CCNY: variants seen among roughly 807,000 people sequenced by gnomAD.
CCNY encodes cyclin-Y.
Under a neutral mutation model 42.8 loss-of-function variants are expected in CCNY, and 19 were observed. The observed-to-expected ratio is 0.44, with a 90% CI of 0.31 to 0.65. The LOEUF (loss-of-function observed/expected upper bound fraction) is 0.65, where lower values mean the gene tolerates loss of function less well. CCNY is among the 30% of genes least tolerant of loss of function. CCNY has a pLI of 0.07. For missense variants in CCNY, 370 were observed against 437.3 expected (o/e 0.85, Z 1.37); for synonymous variants, 165 against 162.7 (o/e 1.01, Z -0.11).
intron 3 of CCNY, among the ~76,000 whole-genome samples, chr10:35,259,552 G>T (rs1323751477): frequency 1.4e-5 from 2 of 139,692 alleles, no homozygotes; most frequent in Non-Finnish European, 3.0e-5. Context: ...ACCCAGGCTG[G>T]AGTGCAGTGG....
chr10:35,405,150 G>A (rs1837729619), intron 1 of CCNY, among the ~76,000 whole-genome samples: 1 of 152,146 alleles, frequency 6.6e-6, no homozygotes, highest in South Asian at 2.1e-4. Flanking sequence ...TTTTTGGACA[G>A]GTAAAACAGG....
At chr10:35,406,201 T>TTTAA (rs1554785132) in intron 1 of CCNY, among the ~76,000 whole-genome samples, 46 of 124,394 alleles carry the variant, frequency 3.7e-4, no homozygotes, top group Non-Finnish European at 6.1e-4. Flanking sequence ...TTCTTTTTTA[T>TTTAA]TTTATTTATT....
At chr10:35,501,659 G>T (rs1329470362) in intron 3 of CCNY, 124 bp downstream of exon 3, 2 of 835,578 alleles carry the variant, frequency 2.4e-6, no homozygotes, top group South Asian at 1.4e-5. Flanking sequence ...ATGTTGCAGT[G>T]TACTTATGCT....
chr10:35,407,746 G>A (rs1375913832), intron 1 of CCNY, among the ~76,000 whole-genome samples: 1 of 152,082 alleles, frequency 6.6e-6, no homozygotes, highest in Non-Finnish European at 1.5e-5. Context: ...GTTGCCCATA[G>A]TGAAGGAGGC....
chr10:35,341,599 G>C (rs1836184713), intron 1 of CCNY, among the ~76,000 whole-genome samples: 1 of 152,210 alleles, frequency 6.6e-6, no homozygotes, highest in Non-Finnish European at 1.5e-5. Flanking sequence ...GAATGAATTT[G>C]TTGAGTGAAA....
At chr10:35,498,861 G>C (rs1180665501) in intron 2 of CCNY, among the ~76,000 whole-genome samples, 1 of 152,204 alleles carries the variant, frequency 6.6e-6, no homozygotes, top group Non-Finnish European at 1.5e-5. Context: ...AGGAGCCCCA[G>C]GTTGCTCTGA....
At chr10:35,491,988 G>C (rs1290050867) in intron 2 of CCNY, among the ~76,000 whole-genome samples, 1 of 152,154 alleles carries the variant, frequency 6.6e-6, no homozygotes, top group Non-Finnish European at 1.5e-5. Context: ...CCTGTAGTCA[G>C]TGTCTAAGCT....
chr10:35,472,735 G>C (rs180783429), intron 1 of CCNY, among the ~76,000 whole-genome samples: 1 of 152,276 alleles, frequency 6.6e-6, no homozygotes, highest in African/African-American at 2.4e-5. Context: ...AAATGTGATA[G>C]AAATGTCATA....
At chr10:35,521,583 A>G (rs765879417) in intron 4 of CCNY, among the ~76,000 whole-genome samples, 8 of 152,322 alleles carry the variant, frequency 5.3e-5, no homozygotes, top group Non-Finnish European at 1.2e-4. Context: ...CCTCCGTCGG[A>G]CAGCACCTAC....
intron 1 of CCNY, among the ~76,000 whole-genome samples, chr10:35,445,211 T>A (rs987023413): frequency 2.6e-5 from 4 of 152,038 alleles, no homozygotes; most frequent in African/African-American, 9.7e-5. Context: ...AAGGAGGAGA[T>A]GAGTTTACCC....
intron 8 of CCNY, among the ~76,000 whole-genome samples, chr10:35,556,080 T>G (rs1008228278): frequency 2.0e-5 from 3 of 152,236 alleles, no homozygotes; most frequent in Non-Finnish European, 4.4e-5. Context: ...TCTGTCTTTT[T>G]TGAAAGCTGT....
intron 3 of CCNY, among the ~76,000 whole-genome samples, chr10:35,298,409 TAAC>T (rs1835496061): frequency 6.6e-6 from 1 of 152,274 alleles, no homozygotes; most frequent in African/African-American, 2.4e-5. Context: ...AATGTAATCA[TAAC>T]AATATACTCT....
At chr10:35,462,534 C>G (rs1839177680) in intron 1 of CCNY, among the ~76,000 whole-genome samples, 1 of 152,250 alleles carries the variant, frequency 6.6e-6, no homozygotes, top group African/African-American at 2.4e-5. Flanking sequence ...AAGAGCCTTA[C>G]TCTGAACCTA....
Position 35,402,423 on chromosome 10 carries a change from C to T in CCNY, c.154+65216C>T, listed in dbSNP as rs192209439. ...TCAGTGTTATTGTTTGCTTGGTTGG[C>T]GAGTTTTTGGGCTCTATCCTTGAGT... is the stretch of plus-strand genomic sequence containing the variant. On this transcript the variant is annotated intron_variant, in intron 1 of 9. Transcript: ENST00000374704. Among the ~76,000 whole-genome samples, 1,077 of 152,182 alleles carry T rather than the reference C, an allele frequency of 7.1e-3. 11 individuals carry two copies. The highest frequency in any genetic ancestry group is 0.025 in the African/African-American group (1,020 of 41,488).
intron 1 of CCNY, among the ~76,000 whole-genome samples, chr10:35,391,035 A>C (rs970612827): frequency 6.6e-5 from 10 of 152,172 alleles, no homozygotes; most frequent in African/African-American, 1.9e-4. Flanking sequence ...ACTTTGGGCA[A>C]GTTATTGTTA....
intron 1 of CCNY, among the ~76,000 whole-genome samples, chr10:35,465,905 A>AAGAGAGAG (rs56166429): frequency 3.2e-4 from 32 of 99,212 alleles, no homozygotes; most frequent in African/African-American, 5.5e-4. Flanking sequence ...GGGTAGGGGG[A>AAGAGAGAG]AGAGAGAGAG....
intron 3 of CCNY, among the ~76,000 whole-genome samples, chr10:35,285,895 C>G (rs950179470): frequency 1.3e-5 from 2 of 152,192 alleles, no homozygotes; most frequent in African/African-American, 2.4e-5. Flanking sequence ...TCACTGCAAC[C>G]TCTGCCTCCC....
intron 2 of CCNY, among the ~76,000 whole-genome samples, chr10:35,492,340 C>T (rs1839916559): frequency 6.6e-6 from 1 of 152,236 alleles, no homozygotes; most frequent in African/African-American, 2.4e-5. Flanking sequence ...CAATGGCTGC[C>T]TCATAGGTGA....
At chr10:35,271,664 T>C (rs1835170790) in intron 3 of CCNY, among the ~76,000 whole-genome samples, 1 of 152,202 alleles carries the variant, frequency 6.6e-6, no homozygotes, top group Non-Finnish European at 1.5e-5. Flanking sequence ...ACCTCCACCA[T>C]CTGTCTTTGC....
Sources: allele counts gnomAD v4.1 joint callset (sites outside exome capture counted in the v4.1 genomes callset), GRCh38; gene constraint gnomAD v4.1.1; transcripts MANE v1.5; gene names NCBI Gene and HGNC (gene_info 2026-07-23, HGNC 2026-07-21).